CLEC4C: variants seen among roughly 807,000 people sequenced by gnomAD.
The protein encoded by CLEC4C is C-type (calcium dependent, carbohydrate-recognition domain) lectin, superfamily member 11.
A neutral mutation model predicts 27.7 loss-of-function variants in CLEC4C; 17 were observed. The ratio of observed to expected loss-of-function variants is 0.61; its 90% CI spans 0.42 to 0.92. The LOEUF (loss-of-function observed/expected upper bound fraction) is 0.92. Ranked by LOEUF, CLEC4C falls within the 40% of genes least tolerant of loss-of-function variation. The probability of loss-of-function intolerance (pLI) is 0.00; values close to 1 mark genes in which losing one functional copy is unlikely to be tolerated. For synonymous variants in CLEC4C, 80 were observed against 80.8 expected (o/e 0.99, Z 0.06); for missense variants, 244 against 257.3 (o/e 0.95, Z 0.35).
At chr12:7,740,569 C>T (rs1439567953) in intron 3 of CLEC4C, among the ~76,000 whole-genome samples, 3 of 151,622 alleles carry the variant, frequency 2.0e-5, no homozygotes, top group Non-Finnish European at 2.9e-5. Context: ...GGCCTGGCAG[C>T]GTGTGCCTGT....
upstream of CLEC4C, among the ~76,000 whole-genome samples, chr12:7,748,525 C>CA (rs55874050): frequency 8.3e-3 from 1,182 of 141,954 alleles, 15 homozygotes; most frequent in African/African-American, 0.026. Flanking sequence ...GACTCAGTCT[C>CA]AAAAAAAAAA....
intron 2 of CLEC4C, among the ~76,000 whole-genome samples, chr12:7,745,117 C>T (rs1864940846): frequency 6.6e-6 from 1 of 152,104 alleles, no homozygotes; most frequent in African/African-American, 2.4e-5. Context: ...TGCGTCCTCC[C>T]CAAGTTCATA....
At chr12:7,731,428 G>A (rs1306844705) in intron 4 of CLEC4C, among the ~76,000 whole-genome samples, 1 of 152,152 alleles carries the variant, frequency 6.6e-6, no homozygotes, top group Non-Finnish European at 1.5e-5. Flanking sequence ...CTCCTCTCAG[G>A]TTTATTTTCT....
Position 7,737,556 on chromosome 12 carries a change from G to C in CLEC4C, c.254C>G (p.Thr85Ser). The change falls in exon 4 of 6, where the codon ACC becomes AGC. Residue 85 changes from threonine to serine, a missense_variant. Coordinates refer to ENST00000360345, the MANE Select transcript of CLEC4C (RefSeq NM_001371390.1). ...KDIEDWSCCP[T>S]PWTSFQSSCY... The stretch of plus-strand genomic sequence containing the variant: ...ACTAGACTGAAATGAAGTCCAAGGG[G>C]TTGGGCAGCAGCTCCAATCTTCCCA... 1 of 1,613,338 alleles carries C rather than the reference G, an allele frequency of 6.2e-7. No homozygotes were observed. Among genetic ancestry groups the C allele is most frequent in the Non-Finnish European group, 8.5e-7 (1 of 1,179,798 alleles).
At chr12:7,738,483 T>C (rs1466968512) in intron 3 of CLEC4C, among the ~76,000 whole-genome samples, 1 of 152,168 alleles carries the variant, frequency 6.6e-6, no homozygotes, top group African/African-American at 2.4e-5. Context: ...TATTTTGACA[T>C]ACATTATACC....
chr12:7,745,985 G>A (rs1466328830), intron 2 of CLEC4C, among the ~76,000 whole-genome samples: 1 of 151,814 alleles, frequency 6.6e-6, no homozygotes, highest in Non-Finnish European at 1.5e-5. Context: ...GGAGGCCAAG[G>A]TGGGCGGATC....
intron 1 of CLEC4C, 120 bp downstream of exon 1, chr12:7,747,198 T>C: frequency 1.2e-6 from 1 of 861,724 alleles, no homozygotes; most frequent in East Asian, 2.4e-5. Flanking sequence ...CTGAAATTAC[T>C]ATTATTTATG....
chr12:7,741,296 A>G (rs1418766270), intron 3 of CLEC4C, 125 bp downstream of exon 3: 3 of 635,534 alleles, frequency 4.7e-6, no homozygotes, highest in Admixed American at 2.5e-5. Flanking sequence ...CCAAGTAGAT[A>G]GTTAAAGAAT....
intron 3 of CLEC4C, among the ~76,000 whole-genome samples, chr12:7,738,124 T>C (rs888905632): frequency 2.6e-5 from 4 of 152,242 alleles, no homozygotes; most frequent in African/African-American, 9.6e-5. Flanking sequence ...ATTATAGATA[T>C]AAATATCATT....
chr12:7,730,263 G>C (rs1471762294), intron 5 of CLEC4C, among the ~76,000 whole-genome samples: 1 of 152,124 alleles, frequency 6.6e-6, no homozygotes, highest in Non-Finnish European at 1.5e-5. Flanking sequence ...ATGGGAACTA[G>C]AACAATGTCC....
chr12:7,749,362 T>C (rs1865053752), upstream of CLEC4C: 1 of 152,066 alleles, frequency 6.6e-6, no homozygotes, highest in Admixed American at 6.6e-5. Context: ...AAGACTAGCC[T>C]GGCCAACATA....
At chr12:7,745,424 CTTTTT>C (rs140956970) in intron 2 of CLEC4C, among the ~76,000 whole-genome samples, 3 of 48,192 alleles carry the variant, frequency 6.2e-5, no homozygotes, top group African/African-American at 1.8e-4. Flanking sequence ...TCAGTCTATG[CTTTTT>C]TTTTTTTTTT....
At chr12:7,730,683 C>T (rs922028278) in intron 5 of CLEC4C, 114 bp downstream of exon 5, 1 of 574,442 alleles carries the variant, frequency 1.7e-6, no homozygotes, top group Non-Finnish European at 3.2e-6. Flanking sequence ...TCAAATAGAC[C>T]TAGGTTTTAA....
intron 2 of CLEC4C, 133 bp from the exon 3 acceptor site, chr12:7,741,664 G>C: frequency 1.8e-6 from 1 of 563,008 alleles, no homozygotes; most frequent in Non-Finnish European, 3.2e-6. Context: ...GAGGTGGGAG[G>C]ACCATTTGAG....
In CLEC4C at chr12:7,735,984, A is replaced by T. The variant is rs541799774; in HGVS notation, c.381+1445T>A. Among the ~76,000 whole-genome samples, 26 of 152,084 alleles carry T rather than the reference A, an allele frequency of 1.7e-4. No individual in the cohort carries two copies. In the South Asian group the frequency reaches 4.2e-3, roughly 24 times the overall value. ...ATAGCAGGATAGACATAGTTGAAGA[A>T]GATTAGTCAAGTGGGAGGGCCAGGT... On this transcript the variant is annotated intron_variant, in intron 4 of 5. Coordinates refer to ENST00000360345, the MANE Select transcript of CLEC4C (RefSeq NM_001371390.1).
Position 7,744,293 on chromosome 12 carries a change from CT to C in CLEC4C, c.124+2037del, listed in dbSNP as rs1476308639. On this transcript the variant is annotated intron_variant, in intron 2 of 5. Transcript: ENST00000360345. The stretch of plus-strand genomic sequence containing the variant: ...TTATAAAAAGCAAAGCAAAGTTTAA[CT>C]TTAGTAATAATTCTGCCTCTTGGGG... Among the ~76,000 whole-genome samples the C allele has an allele frequency of 6.2e-4, 95 of 152,312 alleles. 1 individual carries two copies. The highest frequency in any genetic ancestry group is 2.2e-3 in the African/African-American group (91 of 41,574).
At chr12:7,737,906 T>C (rs1057134695) in intron 3 of CLEC4C, among the ~76,000 whole-genome samples, 1 of 152,044 alleles carries the variant, frequency 6.6e-6, no homozygotes, top group East Asian at 1.9e-4. Context: ...AACATGAGTA[T>C]GGCAATAAAA....
chr12:7,739,567 C>A (rs1368939295), intron 3 of CLEC4C, among the ~76,000 whole-genome samples: 1 of 152,094 alleles, frequency 6.6e-6, no homozygotes, highest in Non-Finnish European at 1.5e-5. Flanking sequence ...CACAGCCGAC[C>A]AATTATCCCT....
intron 2 of CLEC4C, among the ~76,000 whole-genome samples, chr12:7,742,913 C>T (rs773958057): frequency 3.3e-5 from 5 of 152,014 alleles, no homozygotes; most frequent in East Asian, 3.9e-4. Context: ...CATTTCAAGC[C>T]GTACTGTTTT....
Sources: gnomAD v4.1 joint callset for allele counts (sites outside exome capture counted in the v4.1 genomes callset) on GRCh38, gnomAD v4.1.1 for gene constraint, MANE v1.5 for transcripts, NCBI Gene and HGNC (gene_info 2026-07-23, HGNC 2026-07-21) for gene names.